Variants in UBTD1 observed in about 807,000 individuals in gnomAD.
The protein encoded by UBTD1 is ubiquitin domain containing 1, also known as ubiquitin domain-containing protein 1.
A neutral mutation model predicts 21.7 loss-of-function variants in UBTD1; 19 were observed. The observed-to-expected ratio is 0.87, with a 90% CI of 0.61 to 1.28. The LOEUF is 1.28. UBTD1 is among the 50% of genes most tolerant of loss of function. The pLI is 0.00. For missense variants in UBTD1, 282 were observed against 315.1 expected, an observed-to-expected ratio of 0.89 and a Z score of 0.80; for synonymous variants, 116 against 135.1, an observed-to-expected ratio of 0.86 and a Z score of 0.98.
intron 1 of UBTD1, among the ~76,000 whole-genome samples, chr10:97,565,765 G>A (rs967702423): frequency 1.3e-5 from 2 of 152,006 alleles, no homozygotes; most frequent in Non-Finnish European, 2.9e-5. Flanking sequence ...GATTTGGAGT[G>A]CAGTGGCATG....
In UBTD1 at chr10:97,501,839, A is replaced by G. The variant is rs2040377835; in HGVS notation, c.70+2566A>G. ...TGCCTTGTTTGAAGCACCTTGCCTG[A>G]CAAGTCTGCCATTTCCCCCTCCCTC... On this transcript the variant is annotated intron_variant, in intron 1 of 2. Coordinates refer to ENST00000370664, the MANE Select transcript of UBTD1 (RefSeq NM_024954.5). 2.6e-5 allele frequency among the ~76,000 whole-genome samples: 4 copies of G among 152,054 alleles called. No homozygotes were observed. The South Asian group carries it at 8.3e-4, about 32-fold the overall frequency.
intron 1 of UBTD1, among the ~76,000 whole-genome samples, chr10:97,567,179 T>C (rs923736078): frequency 6.6e-6 from 1 of 151,724 alleles, no homozygotes; most frequent in Non-Finnish European, 1.5e-5. Flanking sequence ...CAAGTGATTC[T>C]CCCATCTCAG....
At chr10:97,555,274 A>G (rs1220148285) in intron 1 of UBTD1, among the ~76,000 whole-genome samples, 2 of 152,232 alleles carry the variant, frequency 1.3e-5, no homozygotes, top group African/African-American at 4.8e-5. Flanking sequence ...AAATGGAGCA[A>G]CTTCCTTGGT....
At chr10:97,548,333 C>G (rs1469639475) in intron 1 of UBTD1, among the ~76,000 whole-genome samples, 7 of 152,250 alleles carry the variant, frequency 4.6e-5, no homozygotes, top group Admixed American at 2.0e-4. Flanking sequence ...TGAGAGCAAA[C>G]ACATCAGTAC....
At chr10:97,527,343 A>C (rs1038882499) in intron 1 of UBTD1, among the ~76,000 whole-genome samples, 9 of 151,828 alleles carry the variant, frequency 5.9e-5, no homozygotes, top group Non-Finnish European at 1.2e-4. Flanking sequence ...AAGAGTGCCT[A>C]TCCTTCCTTG....
At chr10:97,522,280 G>A (rs1053676848) in intron 1 of UBTD1, among the ~76,000 whole-genome samples, 3 of 152,364 alleles carry the variant, frequency 2.0e-5, no homozygotes, top group South Asian at 2.1e-4. Context: ...GCTTTTGAAC[G>A]CACTGAATGC....
chr10:97,567,419 G>A (rs900207927), intron 1 of UBTD1, among the ~76,000 whole-genome samples: 1 of 148,814 alleles, frequency 6.7e-6, no homozygotes, highest in South Asian at 2.2e-4. Flanking sequence ...CCAGTACTTC[G>A]GGAGGCTGAG....
At chr10:97,566,039 A>G (rs999199579) in intron 1 of UBTD1, among the ~76,000 whole-genome samples, 1 of 152,084 alleles carries the variant, frequency 6.6e-6, no homozygotes, top group Non-Finnish European at 1.5e-5. Flanking sequence ...TAGAAGTTCT[A>G]TATGGTTCTT....
intron 1 of UBTD1, among the ~76,000 whole-genome samples, chr10:97,534,494 T>G (rs191756535): frequency 6.6e-6 from 1 of 152,072 alleles, no homozygotes; most frequent in African/African-American, 2.4e-5. Flanking sequence ...GATCTTTTAC[T>G]GCGTTTCCCC....
intron 1 of UBTD1, among the ~76,000 whole-genome samples, chr10:97,501,384 C>T (rs1411422670): frequency 2.0e-5 from 3 of 152,274 alleles, no homozygotes; most frequent in South Asian, 2.1e-4. Context: ...ATCAGGAGTT[C>T]GAGACCAGCC....
At position 97,543,459 on chromosome 10, in the gene UBTD1, G is replaced by T. The variant is rs563950023; in HGVS notation, c.71-24455G>T. Among the ~76,000 whole-genome samples, 5 of 152,358 alleles carry T rather than the reference G, an allele frequency of 3.3e-5. No homozygotes were observed. In the South Asian group the frequency reaches 1.0e-3, roughly 32 times the overall value. The stretch of plus-strand genomic sequence containing the variant: ...TGAAGGAGCGGGTGAGCCTTGAAAA[G>T]ATGGGGTTCCCAGGACTCGGCATGT... On this transcript the variant is annotated intron_variant, in intron 1 of 2. Transcript: ENST00000370664.
intron 2 of UBTD1, among the ~76,000 whole-genome samples, chr10:97,568,454 C>T (rs897638515): frequency 6.6e-6 from 1 of 151,878 alleles, no homozygotes; most frequent in African/African-American, 2.4e-5. Flanking sequence ...GTCTTACTTG[C>T]TCTGTTGGCT....
At chr10:97,513,427 G>T (rs1204248236) in intron 1 of UBTD1, among the ~76,000 whole-genome samples, 1 of 152,188 alleles carries the variant, frequency 6.6e-6, no homozygotes, top group African/African-American at 2.4e-5. Context: ...GAGGTCCCTG[G>T]GAGCTCGAGT....
intron 1 of UBTD1, among the ~76,000 whole-genome samples, chr10:97,563,594 C>T (rs1432961483): frequency 6.6e-6 from 1 of 151,992 alleles, no homozygotes; most frequent in Non-Finnish European, 1.5e-5. Context: ...TTGGAGGGTA[C>T]CCCGTCAGCA....
At chr10:97,545,399 T>TGG (rs2040605419) in intron 1 of UBTD1, among the ~76,000 whole-genome samples, 1 of 84,488 alleles carries the variant, frequency 1.2e-5, no homozygotes, top group African/African-American at 4.1e-5. Context: ...TGTGTGTGTG[T>TGG]GTGTGTGTGT....
In UBTD1 at chr10:97,568,070, A is replaced by T. The variant is rs777905265; in HGVS notation, c.227A>T (p.Tyr76Phe). The change falls in exon 2 of 3, where the codon TAT (tyrosine) becomes TTT (phenylalanine). Residue 76 changes from tyrosine to phenylalanine, a missense_variant. Transcript: ENST00000370664. ...EIWDALKAAA[Y>F]AAEANDHELA... Reference sequence around the variant, plus strand: ...TGGGATGCCCTCAAGGCTGCCGCCTATGCTGCTGAAGCCAACGACCACGAG... The same window carrying T: ...TGGGATGCCCTCAAGGCTGCCGCCTTTGCTGCTGAAGCCAACGACCACGAG... 6.2e-7 allele frequency: 1 copy of T among 1,613,934 alleles called. No individual in the cohort carries two copies. The highest frequency in any genetic ancestry group is 8.5e-7 in the Non-Finnish European group (1 of 1,180,040).
intron 1 of UBTD1, among the ~76,000 whole-genome samples, chr10:97,521,681 G>A (rs2040467488): frequency 6.6e-6 from 1 of 152,198 alleles, no homozygotes; most frequent in Admixed American, 6.5e-5. Context: ...TGTGTTCTGG[G>A]TCCCTGATCT....
chr10:97,509,486 G>T (rs912269740), intron 1 of UBTD1, among the ~76,000 whole-genome samples: 1 of 152,188 alleles, frequency 6.6e-6, no homozygotes, highest in Non-Finnish European at 1.5e-5. Flanking sequence ...AAAGCTCATT[G>T]TTCCACTGAT....
chr10:97,508,750 C>G (rs2040409456), intron 1 of UBTD1, among the ~76,000 whole-genome samples: 1 of 152,184 alleles, frequency 6.6e-6, no homozygotes. Flanking sequence ...AGTCCATCAT[C>G]TTGGATCAAA....
Sources: allele counts gnomAD v4.1 joint callset (sites outside exome capture counted in the v4.1 genomes callset), GRCh38; gene constraint gnomAD v4.1.1; transcripts MANE v1.5; gene names NCBI Gene and HGNC (gene_info 2026-07-23, HGNC 2026-07-21).